The following IFT88 variants were observed in gnomAD, a reference collection of about 807,000 sequenced individuals.
IFT88 encodes the protein intraflagellar transport protein 88 homolog.
IFT88 carries 74 observed loss-of-function variants against 119.5 expected under a neutral mutation model. That is an observed-to-expected ratio of 0.62 (90% CI 0.51 to 0.75). The LOEUF is 0.75. Among genes scored for constraint, IFT88 ranks in the 30% least tolerant of loss-of-function variants. The pLI is 0.00. For missense variants in IFT88, 961 were observed against 977.7 expected, an observed-to-expected ratio of 0.98 and a Z score of 0.23; for synonymous variants, 279 against 316.7, an observed-to-expected ratio of 0.88 and a Z score of 1.26.
chr13:20,628,091 C>T (rs915355785), intron 15 of IFT88, among the ~76,000 whole-genome samples: 2 of 151,992 alleles, frequency 1.3e-5, no homozygotes, highest in South Asian at 2.1e-4. Flanking sequence ...ATTGGGTTGA[C>T]GTATCTCATA....
At position 20,687,144 on chromosome 13, in the gene IFT88, G is replaced by A. The variant is rs1377291184; in HGVS notation, c.2243-3561G>A. Among the ~76,000 whole-genome samples the A allele has an allele frequency of 2.0e-5, 3 of 151,788 alleles. No individual in the cohort carries two copies. The South Asian group carries it at 6.2e-4, about 32-fold the overall frequency. ...GTAAAAACATTGGTCAAGTCGGGAT[G>A]TAGTCGGCCACCAACTAGAAATGTG... is the stretch of plus-strand genomic sequence containing the variant. On this transcript the variant is annotated intron_variant, in intron 24 of 25. Coordinates refer to ENST00000351808, the MANE Select transcript of IFT88 (RefSeq NM_006531.5).
intron 20 of IFT88, 127 bp from the exon 21 acceptor site, chr13:20,653,749 C>A: frequency 2.0e-6 from 1 of 488,106 alleles, no homozygotes. Context: ...ATCTGCTGTT[C>A]TCAATAATAA....
chr13:20,587,606 G>A (rs918836704), intron 3 of IFT88, among the ~76,000 whole-genome samples: 11 of 152,058 alleles, frequency 7.2e-5, no homozygotes, highest in Admixed American at 3.3e-4. Flanking sequence ...TTGTACTCTC[G>A]TTGTGGGTTT....
chr13:20,579,163 CTTAA>C (rs1325046359), intron 2 of IFT88, among the ~76,000 whole-genome samples: 1 of 152,168 alleles, frequency 6.6e-6, no homozygotes, highest in Non-Finnish European at 1.5e-5. Context: ...AAACTTCTCT[CTTAA>C]TACTGTTTTC....
chr13:20,603,372 G>T (rs1290335764), intron 12 of IFT88, among the ~76,000 whole-genome samples: 1 of 139,738 alleles, frequency 7.2e-6, no homozygotes, highest in African/African-American at 2.8e-5. Context: ...GGTGACAAGA[G>T]CAAAACTCCA....
intron 24 of IFT88, among the ~76,000 whole-genome samples, chr13:20,676,922 C>A (rs984151052): frequency 6.6e-6 from 1 of 152,008 alleles, no homozygotes; most frequent in Non-Finnish European, 1.5e-5. Flanking sequence ...TTTATATATA[C>A]GTGTGTGCTC....
intron 22 of IFT88, among the ~76,000 whole-genome samples, chr13:20,660,978 T>C (rs1201473528): frequency 6.6e-6 from 1 of 152,210 alleles, no homozygotes. Flanking sequence ...AAATGGAGTG[T>C]TCACTAGCTT....
At position 20,582,997 on chromosome 13, in the gene IFT88, C is replaced by T; in HGVS notation, c.131C>T (p.Thr44Ile). 1.9e-6 allele frequency: 3 copies of T among 1,610,814 alleles called. No individual in the cohort carries two copies. Among genetic ancestry groups the T allele is most frequent in the Non-Finnish European group, 2.5e-6 (3 of 1,178,484 alleles). ...GCAGCTTTTCAGCAAGCTGTGAGGA[C>T]TAGTCATGGCAGAAGACCTCCAGTA... ...NDAAFQQAVR[T>I]SHGRRPPITA... Residue 44 changes from threonine to isoleucine, a missense_variant, in exon 3 of 26, where the codon ACT becomes ATT. By Grantham distance (89) the Thr-to-Ile change is moderately conservative (BLOSUM62 -1). Coordinates refer to ENST00000351808, the MANE Select transcript of IFT88 (RefSeq NM_006531.5).
Position 20,644,923 on chromosome 13 carries a change from A to G in IFT88, c.1914A>G (p.Lys638=). The G allele has an allele frequency of 6.3e-7, 1 of 1,596,658 alleles. No homozygotes were observed. The highest frequency in any genetic ancestry group is 2.2e-5 in the East Asian group (1 of 44,662). Residue 638 remains lysine, a synonymous_variant, in exon 20 of 26, where the codon AAA becomes AAG. Coordinates refer to ENST00000351808, the MANE Select transcript of IFT88 (RefSeq NM_006531.5). ...AYYIDTQFWE[K]AIQYFERASL... ...ACATTGACACCCAATTTTGGGAAAA[A>G]GCTATTCAGTACTTTGAAAGAGCTT...
At chr13:20,690,121 C>G (rs902714526) in intron 24 of IFT88, among the ~76,000 whole-genome samples, 6 of 152,078 alleles carry the variant, frequency 3.9e-5, no homozygotes, top group Non-Finnish European at 8.8e-5. Flanking sequence ...AAAAGACAAA[C>G]TATATTCAAA....
chr13:20,674,178 G>T (rs1337895394), intron 24 of IFT88, among the ~76,000 whole-genome samples: 1 of 152,150 alleles, frequency 6.6e-6, no homozygotes, highest in East Asian at 1.9e-4. Context: ...CTGTGAAGTC[G>T]GAACAAACCC....
At chr13:20,623,411 A>G (rs541908164) in intron 14 of IFT88, among the ~76,000 whole-genome samples, 2 of 152,310 alleles carry the variant, frequency 1.3e-5, no homozygotes, top group Admixed American at 6.5e-5. Context: ...AGTAGTATTG[A>G]TATCTTAAAT....
chr13:20,609,745 A>G (rs1566180465), intron 13 of IFT88, among the ~76,000 whole-genome samples: 1 of 150,720 alleles, frequency 6.6e-6, no homozygotes, highest in Non-Finnish European at 1.5e-5. Context: ...CTCTGTCTCA[A>G]AAACAAACAA....
chr13:20,680,913 C>T (rs1445556861), intron 24 of IFT88, among the ~76,000 whole-genome samples: 1 of 152,220 alleles, frequency 6.6e-6, no homozygotes, highest in Non-Finnish European at 1.5e-5. Context: ...ATCTTTGCAG[C>T]TGGTTTTGGT....
intron 3 of IFT88, among the ~76,000 whole-genome samples, chr13:20,588,652 G>C (rs551892251): frequency 2.0e-5 from 3 of 152,166 alleles, no homozygotes; most frequent in African/African-American, 7.2e-5. Flanking sequence ...GCCAATGGCT[G>C]TCTTATCAGA....
rs145475438 is a variant in IFT88 at position 20,597,047 on chromosome 13, A to G, written c.522A>G (p.Lys174=). The change falls in exon 9 of 26, where the codon AAA becomes AAG. Residue 174 remains lysine, a synonymous_variant. Coordinates refer to ENST00000351808, the MANE Select transcript of IFT88 (RefSeq NM_006531.5). ...AAAAGGCAAAAGATGCAGGAAGAAA[A>G]GAGAGAGTCCTGGTGAGACAGCGAG... is the stretch of plus-strand genomic sequence containing the variant. ...ALEKAKDAGR[K]ERVLVRQREQ... 555 of 1,606,986 alleles carry G rather than the reference A, an allele frequency of 3.5e-4. 1 individual carries two copies. The highest frequency in any genetic ancestry group is 4.3e-4 in the Non-Finnish European group (502 of 1,176,794).
chr13:20,691,431 A>T lies in IFT88; in HGVS notation c.*256A>T, dbSNP rs2058451342. 6.3e-6 allele frequency: 2 copies of T among 317,018 alleles called. No individual in the cohort carries two copies. Among genetic ancestry groups the T allele is most frequent in the Non-Finnish European group, 1.2e-5 (2 of 171,656 alleles). The allele number at this position is 317,018 out of a possible 1,614,324, so 19.6% of individuals were successfully genotyped here. A position where few individuals can be genotyped will look rare whatever the true frequency, so the allele number is the denominator to read the frequency against. On this transcript the variant is annotated 3_prime_UTR_variant, in exon 26 of 26. Transcript: ENST00000351808. ...ACACACAGGAAGAAATAAATTTCAT[A>T]ACACAACCTAGTACATATATGTGTA...
At chr13:20,595,541 C>T (rs1430837694) in intron 7 of IFT88, among the ~76,000 whole-genome samples, 4 of 152,096 alleles carry the variant, frequency 2.6e-5, no homozygotes, top group Admixed American at 2.0e-4. Flanking sequence ...CTACCTGCCT[C>T]AGCCTCCCAA....
At chr13:20,636,430 T>C (rs1189227184) in intron 16 of IFT88, among the ~76,000 whole-genome samples, 1 of 152,220 alleles carries the variant, frequency 6.6e-6, no homozygotes, top group Non-Finnish European at 1.5e-5. Flanking sequence ...ACTAAACAGT[T>C]CTCTCCTTAG....
Sources: gnomAD v4.1 joint callset for allele counts (sites outside exome capture counted in the v4.1 genomes callset) on GRCh38, gnomAD v4.1.1 for gene constraint, MANE v1.5 for transcripts, NCBI Gene and HGNC (gene_info 2026-07-23, HGNC 2026-07-21) for gene names.